The following ENO1 variants were observed in gnomAD, a reference collection of about 807,000 sequenced individuals.
ENO1 encodes alpha-enolase.
ENO1 carries 33 observed loss-of-function variants against 46.3 expected under a neutral mutation model. That is an observed-to-expected ratio of 0.71 (90% CI 0.54 to 0.95). ENO1 has a LOEUF of 0.95. ENO1 is among the 40% of genes least tolerant of loss of function. The pLI is 0.00. For missense variants in ENO1, 488 were observed against 553.3 expected (o/e 0.88, Z 1.18); for synonymous variants, 220 against 216.0 (o/e 1.02, Z -0.16).
In ENO1 at chr1:8,864,079, T is replaced by C. The variant is rs1569896370; in HGVS notation, c.879A>G (p.Glu293=). The change falls in exon 9 of 12, where the codon GAA becomes GAG. Residue 293 remains glutamate (E), a synonymous_variant. Transcript: ENST00000234590. ...CCCAGTCATCCTGGTCAAAGGGATC[T>C]TCGATAGACACCACTAAGGAAAGGA... The part of the protein sequence containing the change: ...FIKDYPVVSI[E]DPFDQDDWGA... The C allele has an allele frequency of 6.2e-7, 1 of 1,614,130 alleles. No individual in the cohort carries two copies. The highest frequency in any genetic ancestry group is 8.5e-7 in the Non-Finnish European group (1 of 1,180,030).
chr1:8,870,725 CA>C, intron 3 of ENO1: 1 of 1,429,916 alleles, frequency 7.0e-7, no homozygotes, highest in Non-Finnish European at 9.1e-7. Context: ...TAGAGCCACA[CA>C]AAACAGCAGC....
rs535741698 is a variant in ENO1 at position 8,870,769 on chromosome 1, G to A, written c.182-259C>T. 3.5e-5 allele frequency: 50 copies of A among 1,413,032 alleles called. No individual in the cohort carries two copies. In the Admixed American group the frequency reaches 1.4e-3, roughly 39 times the overall value. 87.5% of individuals were successfully genotyped at this position (1,413,032 alleles called of 1,614,324 possible). A position where few individuals can be genotyped will look rare whatever the true frequency, so the allele number is the denominator to read the frequency against. Reference sequence around the variant, plus strand: ...GAACGATCTGACTGGAGGTTAGTTTGCAAGACCATGCACTGGAAACGCCAA... The same window carrying A: ...GAACGATCTGACTGGAGGTTAGTTTACAAGACCATGCACTGGAAACGCCAA... On this transcript the variant is annotated intron_variant, in intron 3 of 11. Coordinates refer to ENST00000234590, the MANE Select transcript of ENO1 (RefSeq NM_001428.5).
At chr1:8,874,577 CAAAAAAAAA>C (rs140269736) in intron 2 of ENO1, among the ~76,000 whole-genome samples, 7 of 51,602 alleles carry the variant, frequency 1.4e-4, no homozygotes, top group Admixed American at 3.2e-4. Flanking sequence ...GACTCCATCT[CAAAAAAAAA>C]AAAAAAAAAA....
At chr1:8,867,031 A>G (rs761936151) in intron 6 of ENO1, 86 bp downstream of exon 6, 3 of 1,546,704 alleles carry the variant, frequency 1.9e-6, no homozygotes, top group East Asian at 2.3e-5. Context: ...ATGTGTTAGG[A>G]TATCAAGGCA....
In ENO1 at chr1:8,870,635, T is replaced by A. The variant is rs953025909; in HGVS notation, c.182-125A>T. The A allele has an allele frequency of 3.3e-6, 5 of 1,525,608 alleles. No individual in the cohort carries two copies. In the African/African-American group the frequency reaches 5.5e-5, roughly 17 times the overall value. 94.5% of individuals were successfully genotyped at this position (1,525,608 alleles called of 1,614,324 possible). ...ACCAAGGGACCTTCTGTGGGACCTC[T>A]TCCCCCTCTCCCCTTTCCCCCCAGA... On this transcript the variant is annotated intron_variant, in intron 3 of 11. Transcript: ENST00000234590.
At chr1:8,877,887 A>G (rs1248251679) in intron 1 of ENO1, 1 of 152,194 alleles carries the variant, frequency 6.6e-6, no homozygotes, top group East Asian at 1.9e-4. Flanking sequence ...AAAAAAAAAA[A>G]AAAACCAAAT....
chr1:8,866,980 G>T (rs533039408), intron 6 of ENO1, 137 bp downstream of exon 6: 11 of 1,340,238 alleles, frequency 8.2e-6, no homozygotes, highest in Admixed American at 2.8e-5. Flanking sequence ...CCTGCTCAAG[G>T]TCACACTTAA....
chr1:8,866,382 A>G lies in ENO1; in HGVS notation c.564T>C (p.Val188=). 1.2e-6 allele frequency: 2 copies of G among 1,614,192 alleles called. No individual in the cohort carries two copies. The highest frequency in any genetic ancestry group is 1.7e-6 in the Non-Finnish European group (2 of 1,180,040). The change falls in exon 7 of 12, where the codon GTT becomes GTC. Residue 188 remains valine, a synonymous_variant. Coordinates refer to ENST00000234590, the MANE Select transcript of ENO1 (RefSeq NM_001428.5). Reference sequence around the variant, plus strand: ...TGATGACATTCTTCAGGTTGTGGTAAACCTCTGCTCCAATGCGCATGGCTT... The same window carrying G: ...TGATGACATTCTTCAGGTTGTGGTAGACCTCTGCTCCAATGCGCATGGCTT... The part of the protein sequence containing the change: ...FREAMRIGAE[V]YHNLKNVIKE...
chr1:8,867,860 G>T (rs1196919526), intron 5 of ENO1, 128 bp downstream of exon 5: 7 of 873,024 alleles, frequency 8.0e-6, no homozygotes, highest in Non-Finnish European at 1.1e-5. Context: ...GTAAAGCAAA[G>T]AAATGGGAAG....
chr1:8,869,045 A>AAAAAATGTGCTTGATATAAAAAATATGCT (rs1642579314), intron 4 of ENO1, among the ~76,000 whole-genome samples: 1 of 152,152 alleles, frequency 6.6e-6, no homozygotes, highest in Non-Finnish European at 1.5e-5. Flanking sequence ...ATTTTTATCT[A>AAAAAATGTGCTTGATATAAAAAATATGCT]TGATGTGCTT....
chr1:8,865,206 C>A, intron 8 of ENO1, 79 bp downstream of exon 8: 1 of 1,559,358 alleles, frequency 6.4e-7, no homozygotes. Flanking sequence ...TTGCAGCCAT[C>A]ACCAGCCAGC....
At chr1:8,864,228 C>T (rs1642465972) in intron 8 of ENO1, 136 bp from the exon 9 acceptor site, 3 of 871,598 alleles carry the variant, frequency 3.4e-6, no homozygotes, top group Middle Eastern at 3.4e-4. Context: ...GGGACAGCTC[C>T]CCAACTGATC....
At position 8,878,605 on chromosome 1, in the gene ENO1, G is replaced by A. The variant is rs529381330; in HGVS notation, c.-35C>T. ...CTAGCCACTGGGTCTCGTCGCCTAG[G>A]AGAGGAAGCGGAGGGTGCTGCAGAC... On this transcript the variant is annotated 5_prime_UTR_variant, in exon 1 of 12. Coordinates refer to ENST00000234590, the MANE Select transcript of ENO1 (RefSeq NM_001428.5). 50 of 456,100 alleles carry A rather than the reference G, an allele frequency of 1.1e-4. No homozygotes were observed. Among genetic ancestry groups the A allele is most frequent in the African/African-American group, 9.4e-4 (47 of 50,210 alleles). 28.3% of individuals were successfully genotyped at this position (456,100 alleles called of 1,614,324 possible). A position where few individuals can be genotyped will look rare whatever the true frequency, so the allele number is the denominator to read the frequency against.
chr1:8,869,913 AG>A (rs1642595416), intron 4 of ENO1, among the ~76,000 whole-genome samples: 1 of 152,176 alleles, frequency 6.6e-6, no homozygotes, highest in Non-Finnish European at 1.5e-5. Flanking sequence ...TGAGCGCCAC[AG>A]GAATTACGGA....
At chr1:8,873,100 G>A (rs1470941318) in intron 2 of ENO1, among the ~76,000 whole-genome samples, 1 of 152,192 alleles carries the variant, frequency 6.6e-6, no homozygotes. Flanking sequence ...AGCTGCCCTG[G>A]CTCCCTACAT....
chr1:8,866,060 GAC>G, intron 7 of ENO1: 3 of 461,848 alleles, frequency 6.5e-6, no homozygotes. Context: ...CAGCCTGGGC[GAC>G]AGAGACTCCA....
At chr1:8,871,412 G>C in intron 3 of ENO1, 1 of 996,740 alleles carries the variant, frequency 1.0e-6, no homozygotes, top group Non-Finnish European at 1.2e-6. Context: ...GCTCCTATGA[G>C]TCAGTCAACA....
At chr1:8,871,814 A>G in intron 3 of ENO1, 77 bp downstream of exon 3, 1 of 1,497,464 alleles carries the variant, frequency 6.7e-7, no homozygotes, top group Non-Finnish European at 9.2e-7. Context: ...AGTGCCACCC[A>G]GAGAGGACAG....
At chr1:8,872,411 T>C (rs952103050) in intron 2 of ENO1, among the ~76,000 whole-genome samples, 26 of 151,396 alleles carry the variant, frequency 1.7e-4, no homozygotes, top group Non-Finnish European at 3.7e-4. Context: ...TGAGACAGAA[T>C]CTCGCTCTAT....
Sources: gnomAD v4.1 joint callset for allele counts (sites outside exome capture counted in the v4.1 genomes callset) on GRCh38, gnomAD v4.1.1 for gene constraint, MANE v1.5 for transcripts, NCBI Gene and HGNC (gene_info 2026-07-23, HGNC 2026-07-21) for gene names.